MASP1: variants seen among roughly 807,000 people sequenced by gnomAD.
MASP1 encodes MBL associated serine protease 1, also known as mannan-binding lectin serine protease 1.
A neutral mutation model predicts 77.1 loss-of-function variants in MASP1; 59 were observed. The observed-to-expected ratio is 0.77, with a 90% confidence interval of 0.62 to 0.95. MASP1 has a LOEUF of 0.95. Ranked by LOEUF, MASP1 falls within the 40% of genes least tolerant of loss-of-function variation. The pLI, the probability that MASP1 is intolerant of heterozygous loss-of-function variation, is 0.00. For synonymous variants in MASP1, 362 were observed against 354.5 expected, an observed-to-expected ratio of 1.02 and a Z score of -0.24; for missense variants, 885 against 912.9, an observed-to-expected ratio of 0.97 and a Z score of 0.39.
intron 8 of MASP1, chr3:187,244,737 T>C (rs1053749063): frequency 6.6e-6 from 1 of 152,224 alleles, no homozygotes; most frequent in Non-Finnish European, 1.5e-5. Context: ...TGTTTTCCAG[T>C]TAAATGGCCT....
At chr3:187,248,429 C>G (rs1714282807) in intron 8 of MASP1, among the ~76,000 whole-genome samples, 1 of 152,102 alleles carries the variant, frequency 6.6e-6, no homozygotes, top group South Asian at 2.1e-4. Flanking sequence ...AAACTGAGGC[C>G]AAAGAGTCTG....
rs201553223 is a variant in MASP1 at position 187,283,716 on chromosome 3, T to C, written c.237+2109A>G. 2.2e-4 allele frequency among the ~76,000 whole-genome samples: 34 copies of C among 152,316 alleles called. 1 individual carries two copies. In the East Asian group the frequency reaches 3.9e-3, roughly 17 times the overall value. ...AGTAGAGAAAAATGTGGTTAGAAAGTTCATATCTAGCCTTGTCTAAATCCA... is the reference window on the plus strand; with the variant it reads ...AGTAGAGAAAAATGTGGTTAGAAAGCTCATATCTAGCCTTGTCTAAATCCA... On this transcript the variant is annotated intron_variant, in intron 2 of 10. Transcript: ENST00000296280.
chr3:187,225,280 G>A (rs1431373545), intron 13 of MASP1: 21 of 1,604,584 alleles, frequency 1.3e-5, no homozygotes, highest in Admixed American at 6.7e-5. Context: ...GACTCCTTGT[G>A]GAGGCACCAG....
intron 15 of MASP1, among the ~76,000 whole-genome samples, chr3:187,220,496 CT>C (rs376566294): frequency 5.2e-3 from 660 of 127,720 alleles, no homozygotes; most frequent in Middle Eastern, 8.4e-3. Context: ...TTTTTTCTTT[CT>C]TTTTTTTTTT....
At chr3:187,277,500 C>T (rs1717058194) in intron 2 of MASP1, among the ~76,000 whole-genome samples, 1 of 152,180 alleles carries the variant, frequency 6.6e-6, no homozygotes. Flanking sequence ...TAGGGACCCT[C>T]AAGGACCTTC....
intron 10 of MASP1, among the ~76,000 whole-genome samples, chr3:187,241,065 C>T (rs952597978): frequency 2.0e-5 from 3 of 152,194 alleles, no homozygotes; most frequent in South Asian, 2.1e-4. Flanking sequence ...AAAGGCTTGA[C>T]TACGTTGCTG....
intron 3 of MASP1, among the ~76,000 whole-genome samples, chr3:187,261,979 T>C (rs1715616363): frequency 6.6e-6 from 1 of 152,196 alleles, no homozygotes; most frequent in South Asian, 2.1e-4. Flanking sequence ...CCCCAAAATG[T>C]ATTCTGTATG....
At chr3:187,220,064 G>A (rs763995469) in exon 16 of MASP1, 1 of 1,613,144 alleles carries the variant, frequency 6.2e-7, no homozygotes, top group South Asian at 1.1e-5. Flanking sequence ...GGGCTGAGGA[G>A]CCAAATTCAG....
intron 2 of MASP1, among the ~76,000 whole-genome samples, chr3:187,270,444 A>C (rs913348981): frequency 2.6e-5 from 4 of 152,236 alleles, no homozygotes; most frequent in Non-Finnish European, 5.9e-5. Context: ...GAATCCTGTT[A>C]GGTCATTTTA....
intron 7 of MASP1, chr3:187,251,306 T>TCCACTCCC (rs1238825407): frequency 6.4e-6 from 2 of 310,970 alleles, no homozygotes; most frequent in Non-Finnish European, 1.2e-5. Flanking sequence ...GGTATCCCAC[T>TCCACTCCC]CCACTCCCCT....
Position 187,235,350 on chromosome 3 carries a change from TA to T in MASP1, c.*333del. ...GGTTTGATAAGTGGTCAGGAGTGAA[TA>T]AAGGCCACTGGGGTAAGAAGCATGG... On this transcript the variant is annotated 3_prime_UTR_variant, in exon 11 of 11. Transcript: ENST00000296280. 1 of 1,392,938 alleles carries T rather than the reference TA, an allele frequency of 7.2e-7. No individual in the cohort carries two copies. The highest frequency in any genetic ancestry group is 9.5e-7 in the Non-Finnish European group (1 of 1,057,276). 86.3% of individuals were successfully genotyped at this position (1,392,938 alleles called of 1,614,324 possible). A position where few individuals can be genotyped will look rare whatever the true frequency, so the allele number is the denominator to read the frequency against.
rs758773510 is a variant in MASP1 at position 187,236,374 on chromosome 3, C to T, written c.1497G>A (p.Leu499=). ...CCGTGGTGTCTCTACGCTGGGAGCG[C>T]AGCACATGAGCTGCTGTGAGGATCC... ...ASWILTAAHV[L]RSQRRDTTVI... Residue 499 remains leucine (L), a synonymous_variant, in exon 11 of 11, where the codon CTG becomes CTA. Coordinates refer to ENST00000296280, the MANE Select transcript of MASP1 (RefSeq NM_139125.4). 2.5e-6 allele frequency: 4 copies of T among 1,614,230 alleles called. No homozygotes were observed. Among genetic ancestry groups the T allele is most frequent in the East Asian group, 4.5e-5 (2 of 44,882 alleles).
At chr3:187,233,085 T>C (rs1212556460), downstream of MASP1, among the ~76,000 whole-genome samples, 1 of 152,186 alleles carries the variant, frequency 6.6e-6, no homozygotes, top group East Asian at 1.9e-4. Flanking sequence ...CTATGGGTGG[T>C]GGGTCTGCAC....
rs1395377360 is a variant in MASP1, at chr3:187,256,876, T to C, written c.548-16A>G. 5 of 1,612,058 alleles carry C rather than the reference T, an allele frequency of 3.1e-6. No homozygotes were observed. The African/African-American group carries it at 4.0e-5, about 13-fold the overall frequency. ...CTGCACTCCACTGTTGGAAACATAA[T>C]AGAGAAAATGGCGCATCGCAACCAC... On this transcript the variant is annotated splice_polypyrimidine_tract_variant and intron_variant, in intron 4 of 10. Coordinates refer to ENST00000296280, the MANE Select transcript of MASP1 (RefSeq NM_139125.4).
At chr3:187,250,412 G>A (rs552991360) in intron 7 of MASP1, 83 bp from the exon 8 acceptor site, 1 of 948,158 alleles carries the variant, frequency 1.1e-6, no homozygotes, top group African/African-American at 1.6e-5. Context: ...ACCAACTCAA[G>A]CTCCACACGT....
intron 8 of MASP1, 27 bp from the exon 9 acceptor site, chr3:187,243,648 A>G (rs759529996): frequency 1.2e-6 from 2 of 1,613,884 alleles, no homozygotes; most frequent in East Asian, 4.5e-5. Context: ...GAGACCCCTC[A>G]ACTGCCTTTT....
chr3:187,278,243 A>C (rs988752008), intron 2 of MASP1, among the ~76,000 whole-genome samples: 2 of 152,098 alleles, frequency 1.3e-5, no homozygotes, highest in African/African-American at 4.8e-5. Flanking sequence ...GGTCTGAATG[A>C]CTCCAAAGTT....
chr3:187,284,339 T>C (rs1220461926), intron 2 of MASP1, among the ~76,000 whole-genome samples: 2 of 152,178 alleles, frequency 1.3e-5, no homozygotes, highest in Non-Finnish European at 2.9e-5. Context: ...ACATTTATGA[T>C]TGCCATAACT....
At chr3:187,239,343 ACT>A (rs1165019252) in intron 10 of MASP1, among the ~76,000 whole-genome samples, 2 of 152,196 alleles carry the variant, frequency 1.3e-5, no homozygotes, top group African/African-American at 2.4e-5. Flanking sequence ...CAAGAGCGAA[ACT>A]CTGTCTCAAA....
Sources: gnomAD v4.1 joint callset for allele counts (sites outside exome capture counted in the v4.1 genomes callset) on GRCh38, gnomAD v4.1.1 for gene constraint, MANE v1.5 for transcripts, NCBI Gene and HGNC (gene_info 2026-07-23, HGNC 2026-07-21) for gene names.